DLG2: variants seen among roughly 807,000 people sequenced by gnomAD.
DLG2 encodes disks large homolog 2.
Under a neutral mutation model 132.5 loss-of-function variants are expected in DLG2, and 45 were observed. That is an observed-to-expected ratio of 0.34 (90% CI 0.27 to 0.44). The LOEUF is 0.44. Among genes scored for constraint, DLG2 ranks in the 20% least tolerant of loss-of-function variants. The pLI, the probability that DLG2 is intolerant of heterozygous loss-of-function variation, is 1.00. For missense variants in DLG2, 1,045 were observed against 1,196.9 expected (o/e 0.87, Z 1.87); for synonymous variants, 424 against 419.6 (o/e 1.01, Z -0.13).
intron 21 of DLG2, among the ~76,000 whole-genome samples, chr11:83,504,552 A>C (rs558646866): frequency 2.7e-4 from 41 of 152,322 alleles, no homozygotes; most frequent in African/African-American, 9.4e-4. Flanking sequence ...CAAAGTGTCC[A>C]GGTGGCAATC....
At chr11:84,965,135 T>C (rs1286357880) in intron 6 of DLG2, among the ~76,000 whole-genome samples, 1 of 152,126 alleles carries the variant, frequency 6.6e-6, no homozygotes, top group Non-Finnish European at 1.5e-5. Context: ...CCTACTACTG[T>C]AGGACAAACT....
At chr11:83,721,697 A>G (rs1408958340) in intron 18 of DLG2, among the ~76,000 whole-genome samples, 1 of 152,270 alleles carries the variant, frequency 6.6e-6, no homozygotes, top group African/African-American at 2.4e-5. Flanking sequence ...TGAAATTTAG[A>G]TGCGACAACG....
chr11:84,232,267 A>G (rs2097104039), intron 8 of DLG2, among the ~76,000 whole-genome samples: 1 of 151,928 alleles, frequency 6.6e-6, no homozygotes, highest in African/African-American at 2.4e-5. Flanking sequence ...TTACTATTTT[A>G]TAGCTTCCTT....
intron 6 of DLG2, among the ~76,000 whole-genome samples, chr11:85,024,628 G>C (rs779294392): frequency 5.3e-5 from 8 of 152,158 alleles, no homozygotes; most frequent in Non-Finnish European, 1.2e-4. Context: ...AGAAAAAATA[G>C]TGCCAGTTGT....
intron 3 of DLG2, among the ~76,000 whole-genome samples, chr11:85,587,694 A>G (rs1019037323): frequency 2.6e-5 from 4 of 152,166 alleles, no homozygotes; most frequent in Non-Finnish European, 5.9e-5. Flanking sequence ...TTTACATTCA[A>G]CATAAGTACT....
At chr11:85,282,753 G>C (rs550981) in intron 4 of DLG2, among the ~76,000 whole-genome samples, 1 of 152,058 alleles carries the variant, frequency 6.6e-6, no homozygotes, top group South Asian at 2.1e-4. Flanking sequence ...GTTTTTGAAA[G>C]TTTATGTTCT....
intron 4 of DLG2, among the ~76,000 whole-genome samples, chr11:85,259,144 G>A (rs2076813317): frequency 6.6e-6 from 1 of 152,116 alleles, no homozygotes; most frequent in Admixed American, 6.6e-5. Flanking sequence ...GGCCTAGTGA[G>A]AGGTCATTGG....
At chr11:85,572,756 C>A (rs1286551862) in intron 3 of DLG2, among the ~76,000 whole-genome samples, 1 of 152,210 alleles carries the variant, frequency 6.6e-6, no homozygotes, top group Admixed American at 6.5e-5. Context: ...GCAACTCAAA[C>A]CTACTAACTT....
chr11:85,488,416 C>G (rs1008381804), intron 3 of DLG2, among the ~76,000 whole-genome samples: 1 of 151,686 alleles, frequency 6.6e-6, no homozygotes, highest in Non-Finnish European at 1.5e-5. Context: ...ACAACAACCA[C>G]AACAAAAAGT....
At chr11:85,061,326 G>A (rs1253978847) in intron 6 of DLG2, among the ~76,000 whole-genome samples, 1 of 69,966 alleles carries the variant, frequency 1.4e-5, no homozygotes, top group East Asian at 1.5e-3. Flanking sequence ...TTTCTGCACT[G>A]GCATCTTTTT....
In DLG2 at chr11:84,394,896, A is replaced by G. The variant is rs369202414; in HGVS notation, c.519+139674T>C. Among the ~76,000 whole-genome samples the G allele has an allele frequency of 2.0e-5, 3 of 152,306 alleles. No homozygotes were observed. The East Asian group carries it at 5.8e-4, about 29-fold the overall frequency. ...TGGCCTCCCAAAGTGCTGAGATTAC[A>G]GGCGTGAGTCACAGCACCTAGCCCT... On this transcript the variant is annotated intron_variant, in intron 7 of 27. Transcript: ENST00000376104.
chr11:84,914,616 G>A (rs1482812757), intron 6 of DLG2, among the ~76,000 whole-genome samples: 1 of 152,134 alleles, frequency 6.6e-6, no homozygotes, highest in African/African-American at 2.4e-5. Context: ...TCAAGTCAGG[G>A]GAACCTAAGT....
intron 6 of DLG2, among the ~76,000 whole-genome samples, chr11:84,543,523 G>A (rs984276031): frequency 2.6e-5 from 4 of 152,120 alleles, no homozygotes; most frequent in African/African-American, 4.8e-5. Context: ...TGAACTAACC[G>A]TCCCCGCCCC....
At chr11:84,143,114 T>C (rs1330683872) in intron 9 of DLG2, among the ~76,000 whole-genome samples, 1 of 152,204 alleles carries the variant, frequency 6.6e-6, no homozygotes, top group African/African-American at 2.4e-5. Context: ...GTTTCAACGT[T>C]GAGCATCTAC....
chr11:84,694,357 T>G (rs1411587413), intron 6 of DLG2, among the ~76,000 whole-genome samples: 1 of 151,632 alleles, frequency 6.6e-6, no homozygotes, highest in Admixed American at 6.6e-5. Flanking sequence ...TTTTACAATC[T>G]TAGTAATTTG....
At chr11:83,599,164 A>T (rs2058107904) in intron 19 of DLG2, among the ~76,000 whole-genome samples, 1 of 152,186 alleles carries the variant, frequency 6.6e-6, no homozygotes, top group Admixed American at 6.5e-5. Flanking sequence ...AATAAACAAA[A>T]CAATTCTTTC....
intron 3 of DLG2, among the ~76,000 whole-genome samples, chr11:85,490,637 C>A (rs556070623): frequency 6.6e-6 from 1 of 152,048 alleles, no homozygotes; most frequent in African/African-American, 2.4e-5. Context: ...CACAGAAATA[C>A]AAAAGATCAT....
intron 3 of DLG2, among the ~76,000 whole-genome samples, chr11:85,581,511 G>A (rs993614762): frequency 3.3e-5 from 5 of 151,982 alleles, no homozygotes; most frequent in African/African-American, 4.8e-5. Flanking sequence ...CTAGCTACTC[G>A]GGAGGCTGAG....
chr11:84,731,867 C>G (rs550975479), intron 6 of DLG2, among the ~76,000 whole-genome samples: 1 of 151,974 alleles, frequency 6.6e-6, no homozygotes, highest in African/African-American at 2.4e-5. Context: ...TCAACATAAT[C>G]AAGATAATAA....
Sources: allele counts gnomAD v4.1 joint callset (sites outside exome capture counted in the v4.1 genomes callset), GRCh38; gene constraint gnomAD v4.1.1; transcripts MANE v1.5; gene names NCBI Gene and HGNC (gene_info 2026-07-23, HGNC 2026-07-21).